The following HERC1 variants were observed in gnomAD, a reference collection of about 807,000 sequenced individuals.
HERC1 encodes the protein HECT and RLD domain containing E3 ubiquitin protein ligase family member 1.
A neutral mutation model predicts 554.3 loss-of-function variants in HERC1; 160 were observed. The ratio of observed to expected loss-of-function variants is 0.29; its 90% CI spans 0.25 to 0.33. The LOEUF (loss-of-function observed/expected upper bound fraction) is 0.33, where lower values mean the gene tolerates loss of function less well. Ranked by LOEUF, HERC1 falls within the 10% of genes least tolerant of loss-of-function variation. The probability of loss-of-function intolerance (pLI) is 1.00; values close to 1 mark genes in which losing one functional copy is unlikely to be tolerated. For missense variants in HERC1, 4,919 were observed against 5,918.5 expected (o/e 0.83, Z 5.54); for synonymous variants, 2,175 against 2,131.7 (o/e 1.02, Z -0.56).
At chr15:63,831,743 C>T (rs557047093) in intron 1 of HERC1, among the ~76,000 whole-genome samples, 19 of 152,240 alleles carry the variant, frequency 1.2e-4, no homozygotes, top group African/African-American at 4.3e-4. Flanking sequence ...TTATTATTTG[C>T]ACCCTCTACT....
chr15:63,796,112 G>A (rs1336435459), intron 1 of HERC1, among the ~76,000 whole-genome samples: 2 of 152,188 alleles, frequency 1.3e-5, no homozygotes, highest in Non-Finnish European at 2.9e-5. Flanking sequence ...TTGCTTCTAA[G>A]AGAAGTTACT....
chr15:63,782,837 C>T (rs114227545), intron 1 of HERC1, among the ~76,000 whole-genome samples: 1 of 152,258 alleles, frequency 6.6e-6, no homozygotes, highest in East Asian at 1.9e-4. Context: ...TTGATTCTAA[C>T]CCCTACGGAT....
chr15:63,697,125 T>C (rs117356077), intron 26 of HERC1, among the ~76,000 whole-genome samples: 2,586 of 152,230 alleles, frequency 0.017, 40 homozygotes, highest in Non-Finnish European at 0.028. Context: ...TAAAGTAAAA[T>C]AGTATTAATT....
intron 64 of HERC1, 130 bp from the exon 65 acceptor site, chr15:63,636,272 A>AT: frequency 1.5e-4 from 92 of 608,462 alleles, no homozygotes; most frequent in Non-Finnish European, 2.0e-4. Context: ...TAATTTCATT[A>AT]GTTTTTTTTT....
rs571347746 is a variant in HERC1 at position 63,672,702 on chromosome 15, C to T, written c.7847-8G>A. On this transcript the variant is annotated splice_polypyrimidine_tract_variant and splice_region_variant and intron_variant, in intron 38 of 77. Transcript: ENST00000443617. ...CAGCTTGTTGATCAATCTCTAGAAA[C>T]CAAAAAAAAGGTTAAGAAAGTAGTA... 192 of 1,555,048 alleles carry T rather than the reference C, an allele frequency of 1.2e-4. 1 individual carries two copies. In the Middle Eastern group the frequency reaches 1.9e-3, roughly 15 times the overall value.
chr15:63,762,111 G>T (rs1404634714), intron 3 of HERC1, among the ~76,000 whole-genome samples: 5 of 152,038 alleles, frequency 3.3e-5, no homozygotes, highest in South Asian at 2.1e-4. Flanking sequence ...TTCCAGATTG[G>T]GGGCAACAAA....
chr15:63,822,463 G>C (rs1455410674), intron 1 of HERC1, among the ~76,000 whole-genome samples: 2 of 151,944 alleles, frequency 1.3e-5, no homozygotes, highest in Non-Finnish European at 2.9e-5. Flanking sequence ...GCGTGTGCCT[G>C]TAATCCCAGC....
rs540052974 is a variant in HERC1, at chr15:63,670,470, A to C, written c.8046-772T>G. Among the ~76,000 whole-genome samples, 4 of 152,218 alleles carry C rather than the reference A, an allele frequency of 2.6e-5. No homozygotes were observed. The South Asian group carries it at 6.2e-4, about 24-fold the overall frequency. On this transcript the variant is annotated intron_variant, in intron 39 of 77. Transcript: ENST00000443617. ...CCAAGTCAGTAATACAATGGTATAC[A>C]CACAGGAAGGAGTAGTTCTCTGGTT...
intron 51 of HERC1, 125 bp downstream of exon 51, chr15:63,653,994 G>GT: frequency 1.4e-6 from 1 of 698,246 alleles, no homozygotes. Context: ...GTGTGCATGT[G>GT]TATGTGTACG....
chr15:63,807,178 C>T (rs1455525355), intron 1 of HERC1, among the ~76,000 whole-genome samples: 1 of 152,118 alleles, frequency 6.6e-6, no homozygotes, highest in African/African-American at 2.4e-5. Context: ...TCTCTATTTG[C>T]CCCCAACCTC....
At chr15:63,801,663 C>T (rs558785385) in intron 1 of HERC1, among the ~76,000 whole-genome samples, 1 of 152,300 alleles carries the variant, frequency 6.6e-6, no homozygotes, top group Admixed American at 6.5e-5. Flanking sequence ...AATCTGAATC[C>T]AGGTAGTCCA....
chr15:63,613,411 T>G (rs4412925), intron 76 of HERC1, among the ~76,000 whole-genome samples: 21,624 of 152,102 alleles, frequency 0.14, 2,078 homozygotes, highest in Middle Eastern at 0.21. Flanking sequence ...TATACAGTAG[T>G]GCATACCCTA....
At chr15:63,759,669 T>A (rs549606985) in intron 3 of HERC1, among the ~76,000 whole-genome samples, 1 of 152,350 alleles carries the variant, frequency 6.6e-6, no homozygotes, top group East Asian at 1.9e-4. Context: ...TTGTATGAAC[T>A]CAATACAATA....
intron 1 of HERC1, among the ~76,000 whole-genome samples, chr15:63,810,047 C>G (rs913652681): frequency 6.6e-6 from 1 of 151,776 alleles, no homozygotes; most frequent in Non-Finnish European, 1.5e-5. Context: ...GAATTCAAGG[C>G]AGTCATTAAA....
intron 57 of HERC1, 95 bp from the exon 58 acceptor site, chr15:63,643,645 T>G (rs1247805626): frequency 2.1e-6 from 2 of 962,840 alleles, no homozygotes; most frequent in Non-Finnish European, 3.0e-6. Flanking sequence ...TATTTCAGAA[T>G]AAAATTGGCA....
In HERC1 at chr15:63,677,778, C is replaced by T. The variant is rs1344536330; in HGVS notation, c.7070+67G>A. On this transcript the variant is annotated intron_variant, in intron 37 of 77. Transcript: ENST00000443617. This position sits in a 1 kb window ranked among gnomAD's most constrained non-coding sequence, Gnocchi z 4.4. ...CCTAAAATACATAATTACTCACTGT[C>T]GACAGGCAATGGCCTATTTCACCAT... is the stretch of plus-strand genomic sequence containing the variant. 12 of 1,540,058 alleles carry T rather than the reference C, an allele frequency of 7.8e-6. No individual in the cohort carries two copies. Among genetic ancestry groups the T allele is most frequent in the African/African-American group, 6.8e-5 (5 of 73,010 alleles).
intron 68 of HERC1, 28 bp from the exon 69 acceptor site, chr15:63,630,663 G>C (rs1379539209): frequency 6.3e-7 from 1 of 1,599,710 alleles, no homozygotes; most frequent in African/African-American, 1.3e-5. Flanking sequence ...AAAACATGTG[G>C]AAATGTTATG....
At chr15:63,650,656 T>G (rs2069628299) in intron 53 of HERC1, among the ~76,000 whole-genome samples, 1 of 152,148 alleles carries the variant, frequency 6.6e-6, no homozygotes, top group African/African-American at 2.4e-5. Context: ...AATGTACAAA[T>G]GTACAAATGT....
At chr15:63,744,452 T>A (rs2074978290) in intron 12 of HERC1, among the ~76,000 whole-genome samples, 1 of 152,020 alleles carries the variant, frequency 6.6e-6, no homozygotes, top group Non-Finnish European at 1.5e-5. Context: ...CCCCCAAGCC[T>A]CAGGTGGGTC....
Sources: allele counts gnomAD v4.1 joint callset (sites outside exome capture counted in the v4.1 genomes callset), GRCh38; gene constraint gnomAD v4.1.1; non-coding constraint Gnocchi (gnomAD v3.1); transcripts MANE v1.5; gene names NCBI Gene and HGNC (gene_info 2026-07-23, HGNC 2026-07-21).